RNF180: variants seen among roughly 807,000 people sequenced by gnomAD.
RNF180 encodes the protein ring finger protein 180, also known as E3 ubiquitin-protein ligase RNF180.
Under a neutral mutation model 59.2 loss-of-function variants are expected in RNF180, and 38 were observed. The observed-to-expected ratio is 0.64, with a 90% CI of 0.50 to 0.84. The LOEUF (loss-of-function observed/expected upper bound fraction) is 0.84, where lower values mean the gene tolerates loss of function less well. Among genes scored for constraint, RNF180 ranks in the 40% least tolerant of loss-of-function variants. The probability of loss-of-function intolerance (pLI) is 0.00; values close to 1 mark genes in which losing one functional copy is unlikely to be tolerated. For synonymous variants in RNF180, 262 were observed against 240.3 expected, an observed-to-expected ratio of 1.09 and a Z score of -0.84; for missense variants, 705 against 700.9, an observed-to-expected ratio of 1.01 and a Z score of -0.07.
intron 7 of RNF180, among the ~76,000 whole-genome samples, chr5:64,357,361 A>G (rs1445630639): frequency 2.0e-5 from 3 of 151,866 alleles, no homozygotes. Flanking sequence ...ATTCTTATGT[A>G]ATATGAAGCA....
At chr5:64,232,464 T>C (rs933845438) in intron 5 of RNF180, among the ~76,000 whole-genome samples, 4 of 152,190 alleles carry the variant, frequency 2.6e-5, no homozygotes, top group African/African-American at 9.7e-5. Flanking sequence ...ACTCCTGGAC[T>C]CAAGTGACCA....
At chr5:64,294,658 A>G (rs1235996547) in intron 5 of RNF180, among the ~76,000 whole-genome samples, 1 of 152,204 alleles carries the variant, frequency 6.6e-6, no homozygotes, top group Non-Finnish European at 1.5e-5. Flanking sequence ...CACAGAATAT[A>G]TATGTATTCA....
intron 6 of RNF180, among the ~76,000 whole-genome samples, chr5:64,326,265 A>C (rs1580257047): frequency 6.6e-6 from 1 of 152,168 alleles, no homozygotes; most frequent in East Asian, 1.9e-4. Flanking sequence ...CTGGTAAAAA[A>C]AAAATTATAC....
intron 5 of RNF180, among the ~76,000 whole-genome samples, chr5:64,224,918 G>A (rs1741585755): frequency 6.6e-6 from 1 of 152,200 alleles, no homozygotes; most frequent in Admixed American, 6.5e-5. Flanking sequence ...CTTCTGCCAT[G>A]TGAGGATGCA....
chr5:64,287,228 G>A (rs545342035), intron 5 of RNF180, among the ~76,000 whole-genome samples: 2 of 152,202 alleles, frequency 1.3e-5, no homozygotes, highest in South Asian at 4.1e-4. Context: ...GCCTCCCAAA[G>A]TGCTGGGATT....
intron 5 of RNF180, among the ~76,000 whole-genome samples, chr5:64,270,026 AAC>A (rs146625939): frequency 0.26 from 38,227 of 148,404 alleles, 4,919 homozygotes; most frequent in Middle Eastern, 0.33. Context: ...CAGTAACAAT[AAC>A]ACACACACAC....
At chr5:64,328,005 C>A (rs7356646) in intron 6 of RNF180, among the ~76,000 whole-genome samples, 2 of 151,650 alleles carry the variant, frequency 1.3e-5, no homozygotes, top group Non-Finnish European at 2.9e-5. Context: ...GAACTGATTC[C>A]TTTATTGTAA....
chr5:64,351,140 G>T (rs1426669158), intron 7 of RNF180, among the ~76,000 whole-genome samples: 1 of 151,936 alleles, frequency 6.6e-6, no homozygotes, highest in Non-Finnish European at 1.5e-5. Flanking sequence ...TTGTAAGTTG[G>T]ATTCCTAGGT....
intron 1 of RNF180, among the ~76,000 whole-genome samples, chr5:64,190,286 G>T (rs1336244509): frequency 6.6e-6 from 1 of 152,152 alleles, no homozygotes; most frequent in Non-Finnish European, 1.5e-5. Context: ...TCTTTGTTCT[G>T]ATTTCTCCCT....
At chr5:64,356,470 A>C (rs1472648636) in intron 7 of RNF180, among the ~76,000 whole-genome samples, 1 of 151,950 alleles carries the variant, frequency 6.6e-6, no homozygotes, top group Non-Finnish European at 1.5e-5. Context: ...AAAGCTAATC[A>C]TAGAATTACC....
intron 5 of RNF180, among the ~76,000 whole-genome samples, chr5:64,305,908 G>T (rs1743421205): frequency 6.6e-6 from 1 of 151,544 alleles, no homozygotes; most frequent in Admixed American, 6.6e-5. Context: ...GTAGAACCAT[G>T]CAATGACTCT....
intron 5 of RNF180, among the ~76,000 whole-genome samples, chr5:64,314,301 ACTT>A (rs1743929087): frequency 6.6e-6 from 1 of 151,804 alleles, no homozygotes; most frequent in Non-Finnish European, 1.5e-5. Context: ...TTTTTTTACT[ACTT>A]CTTCCTCTTT....
chr5:64,354,579 A>G (rs542836872), intron 7 of RNF180, among the ~76,000 whole-genome samples: 29 of 152,020 alleles, frequency 1.9e-4, no homozygotes, highest in African/African-American at 6.5e-4. Context: ...AAGAAGAAAT[A>G]CTTCATGATT....
chr5:64,230,425 T>C (rs1742030917), intron 5 of RNF180, among the ~76,000 whole-genome samples: 1 of 152,212 alleles, frequency 6.6e-6, no homozygotes, highest in African/African-American at 2.4e-5. Context: ...ATCTAGAGTC[T>C]GAACCTTGGC....
At chr5:64,260,971 G>T in intron 5 of RNF180, among the ~76,000 whole-genome samples, 2 of 147,350 alleles carry the variant, frequency 1.4e-5, no homozygotes, top group African/African-American at 5.0e-5. Context: ...ATTTTGGGTT[G>T]GATTTAATCC....
intron 5 of RNF180, 92 bp downstream of exon 5, chr5:64,217,488 T>C: frequency 1.5e-6 from 2 of 1,313,514 alleles, no homozygotes; most frequent in Non-Finnish European, 1.9e-6. Context: ...GACTTCCATT[T>C]TCTGTGCGTC....
chr5:64,193,722 C>T (rs1003885081), intron 1 of RNF180, among the ~76,000 whole-genome samples: 4 of 152,182 alleles, frequency 2.6e-5, no homozygotes, highest in Non-Finnish European at 5.9e-5. Flanking sequence ...CATTTCCACA[C>T]TTTCTTGTTC....
At chr5:64,355,747 G>T (rs377334936) in intron 7 of RNF180, among the ~76,000 whole-genome samples, 1 of 151,868 alleles carries the variant, frequency 6.6e-6, no homozygotes, top group East Asian at 1.9e-4. Flanking sequence ...ATATATCTAT[G>T]ACCAGTGGAT....
intron 7 of RNF180, among the ~76,000 whole-genome samples, chr5:64,360,325 C>A (rs1380678422): frequency 6.6e-6 from 1 of 151,712 alleles, no homozygotes; most frequent in Non-Finnish European, 1.5e-5. Flanking sequence ...ACATGATTAT[C>A]TCAATAGATG....
Sources: allele counts gnomAD v4.1 joint callset (sites outside exome capture counted in the v4.1 genomes callset), GRCh38; gene constraint gnomAD v4.1.1; transcripts MANE v1.5; gene names NCBI Gene and HGNC (gene_info 2026-07-23, HGNC 2026-07-21).